Variants in ARNT observed in about 807,000 individuals in gnomAD.
ARNT encodes aryl hydrocarbon receptor nuclear translocator.
ARNT carries 30 observed loss-of-function variants against 105.0 expected under a neutral mutation model. That is an observed-to-expected ratio of 0.29 (90% CI 0.21 to 0.39). The LOEUF (loss-of-function observed/expected upper bound fraction) is 0.39. Ranked by LOEUF, ARNT falls within the 10% of genes least tolerant of loss-of-function variation. The pLI is 1.00. For missense variants in ARNT, 748 were observed against 978.7 expected (o/e 0.76, Z 3.15); for synonymous variants, 304 against 344.0 (o/e 0.88, Z 1.29).
At chr1:150,819,600 T>C (rs1656646505) in intron 14 of ARNT, among the ~76,000 whole-genome samples, 1 of 152,206 alleles carries the variant, frequency 6.6e-6, no homozygotes, top group Non-Finnish European at 1.5e-5. Context: ...GAAGTACTGA[T>C]ACATGCTACA....
At chr1:150,873,177 T>C (rs1400011444) in intron 1 of ARNT, among the ~76,000 whole-genome samples, 1 of 151,330 alleles carries the variant, frequency 6.6e-6, no homozygotes, top group Non-Finnish European at 1.5e-5. Flanking sequence ...TAGTCCCAGC[T>C]ACTCGGGAGG....
chr1:150,862,233 C>T (rs1220682723), intron 1 of ARNT, among the ~76,000 whole-genome samples: 2 of 152,112 alleles, frequency 1.3e-5, no homozygotes, highest in Non-Finnish European at 2.9e-5. Context: ...CATTGTGTAT[C>T]TTCATGCACA....
chr1:150,828,246 A>C (rs1014593028), intron 12 of ARNT, among the ~76,000 whole-genome samples: 1 of 151,402 alleles, frequency 6.6e-6, no homozygotes, highest in Admixed American at 6.6e-5. Flanking sequence ...CTAGGAGTTT[A>C]TTTGTAACTT....
In ARNT at chr1:150,858,473, TA is replaced by T; in HGVS notation, c.26-14del. ...TCTGATGTCATTTCTGTCAGGAAAATAATGAAGTAAACATTTTTAAAAAGAC... is the reference window on the plus strand; with the variant it reads ...TCTGATGTCATTTCTGTCAGGAAAATATGAAGTAAACATTTTTAAAAAGAC... On this transcript the variant is annotated splice_polypyrimidine_tract_variant and intron_variant, in intron 1 of 21. Coordinates refer to ENST00000358595, the MANE Select transcript of ARNT (RefSeq NM_001668.4). 1 of 1,564,242 alleles carries T rather than the reference TA, an allele frequency of 6.4e-7. No individual in the cohort carries two copies. Among genetic ancestry groups the T allele is most frequent in the Admixed American group, 1.8e-5 (1 of 56,858 alleles).
intron 14 of ARNT, among the ~76,000 whole-genome samples, chr1:150,819,214 A>C (rs1448898339): frequency 7.3e-6 from 1 of 136,218 alleles, no homozygotes; most frequent in Non-Finnish European, 1.6e-5. Context: ...GATACCTACT[A>C]GATGGCTACA....
chr1:150,836,935 AC>A (rs1660440514), intron 6 of ARNT, among the ~76,000 whole-genome samples: 1 of 152,132 alleles, frequency 6.6e-6, no homozygotes, highest in Non-Finnish European at 1.5e-5. Flanking sequence ...GTGTGGTGGC[AC>A]ACGCCTGTAG....
In ARNT at chr1:150,813,173, T is replaced by G; in HGVS notation, c.2279A>C (p.Gln760Pro). Reference protein sequence around the residue: ...AQQPGQPEVFQEMLSMLGDQS... With the variant: ...AQQPGQPEVFPEMLSMLGDQS... ...TTGAAAGTCTTTTCACTCTCTTACC[T>G]GGAAGACCTCAGGCTGGCCAGGTTG... is the stretch of plus-strand genomic sequence containing the variant. Residue 760 changes from glutamine to proline, a missense_variant and splice_region_variant, in exon 21 of 22, where the codon CAG becomes CCG. Gln to Pro is a moderately conservative substitution (Grantham distance 76, BLOSUM62 -1). Around this residue, in one of 4 missense-constraint regions of ARNT, gnomAD observed 360 missense variants for 411.9 expected, o/e 0.87. Coordinates refer to ENST00000358595, the MANE Select transcript of ARNT (RefSeq NM_001668.4). The G allele has an allele frequency of 6.2e-7, 1 of 1,612,538 alleles. No homozygotes were observed. Among genetic ancestry groups the G allele is most frequent in the Non-Finnish European group, 8.5e-7 (1 of 1,179,304 alleles).
intron 7 of ARNT, 65 bp downstream of exon 7, chr1:150,836,214 CT>C: frequency 1.3e-6 from 2 of 1,516,252 alleles, no homozygotes; most frequent in Non-Finnish European, 1.8e-6. Context: ...GCTAAAACAT[CT>C]CTTAAGTCTC....
chr1:150,873,528 C>A (rs1296071202), intron 1 of ARNT, among the ~76,000 whole-genome samples: 1 of 152,110 alleles, frequency 6.6e-6, no homozygotes, highest in Non-Finnish European at 1.5e-5. Flanking sequence ...TCTTCTAATG[C>A]AGCACCACAG....
At chr1:150,865,144 G>A (rs587771773) in intron 1 of ARNT, among the ~76,000 whole-genome samples, 49 of 152,144 alleles carry the variant, frequency 3.2e-4, no homozygotes, top group African/African-American at 1.1e-3. Context: ...ATGGCACAAC[G>A]AAAAGGTAGT....
chr1:150,817,681 C>CTAAT (rs1363842198), intron 15 of ARNT, among the ~76,000 whole-genome samples: 1 of 151,866 alleles, frequency 6.6e-6, no homozygotes, highest in Non-Finnish European at 1.5e-5. Flanking sequence ...TGGTGGCAGG[C>CTAAT]ACCTGTAATC....
chr1:150,850,191 T>A (rs1191354074), intron 3 of ARNT, among the ~76,000 whole-genome samples: 1 of 152,034 alleles, frequency 6.6e-6, no homozygotes. Context: ...ATCGAGACCA[T>A]CCTGCCCAAC....
intron 20 of ARNT, among the ~76,000 whole-genome samples, chr1:150,813,641 T>TA (rs1655208283): frequency 6.6e-6 from 1 of 152,056 alleles, no homozygotes; most frequent in Non-Finnish European, 1.5e-5. Flanking sequence ...GTAGTTTTTT[T>TA]TTTTTATTTT....
intron 14 of ARNT, among the ~76,000 whole-genome samples, chr1:150,818,617 G>A (rs1656425900): frequency 1.3e-5 from 2 of 152,028 alleles, no homozygotes; most frequent in Non-Finnish European, 2.9e-5. Flanking sequence ...CAGGCGTGGT[G>A]GCGGGCTCCT....
At chr1:150,826,986 A>G (rs1302199464) in intron 12 of ARNT, among the ~76,000 whole-genome samples, 1 of 152,022 alleles carries the variant, frequency 6.6e-6, no homozygotes, top group Non-Finnish European at 1.5e-5. Context: ...GGCCTGGTCC[A>G]TCAGCTGGGG....
intron 6 of ARNT, among the ~76,000 whole-genome samples, chr1:150,838,102 A>C (rs1190825977): frequency 6.6e-6 from 1 of 152,214 alleles, no homozygotes; most frequent in Non-Finnish European, 1.5e-5. Flanking sequence ...CCCACTGCAT[A>C]AAAATTAAAA....
rs587670365 is a variant in ARNT at position 150,816,807 on chromosome 1, G to C, written c.1783C>G (p.Arg595Gly). ...GCTCACCTGAAATTCTCTGCCGGCCGGGGGGTAGGAGGGAATGTGTTGCCC... is the reference window on the plus strand; with the variant it reads ...GCTCACCTGAAATTCTCTGCCGGCCCGGGGGTAGGAGGGAATGTGTTGCCC... ...SQGNTFPPTPRPAENFRNSGL... is the reference protein window; with the variant it reads ...SQGNTFPPTPGPAENFRNSGL... Residue 595 changes from arginine to glycine, a missense_variant, in exon 18 of 22, where the codon CGG (arginine) becomes GGG (glycine). Arg to Gly is a moderately radical substitution (Grantham distance 125). Around this residue, in one of 4 missense-constraint regions of ARNT, gnomAD observed 360 missense variants for 411.9 expected, o/e 0.87. Coordinates refer to ENST00000358595, the MANE Select transcript of ARNT (RefSeq NM_001668.4). 5.7e-6 allele frequency: 9 copies of C among 1,580,814 alleles called. No individual in the cohort carries two copies. Among genetic ancestry groups the C allele is most frequent in the Middle Eastern group, 1.7e-4 (1 of 5,926 alleles).
chr1:150,820,319 G>A (rs587668650), intron 14 of ARNT, among the ~76,000 whole-genome samples: 1 of 152,306 alleles, frequency 6.6e-6, no homozygotes, highest in Non-Finnish European at 1.5e-5. Flanking sequence ...ACATAGAATT[G>A]AAACTAAACC....
chr1:150,835,818 AG>A (rs1557891411), intron 7 of ARNT, among the ~76,000 whole-genome samples: 9 of 66,338 alleles, frequency 1.4e-4, no homozygotes, highest in Non-Finnish European at 2.8e-4. Flanking sequence ...ACAACAGTAC[AG>A]ATACAAACAA....
Sources: gnomAD v4.1 joint callset for allele counts (sites outside exome capture counted in the v4.1 genomes callset) on GRCh38, gnomAD v4.1.1 for gene constraint, gnomAD v4.1.1 regional missense constraint, MANE v1.5 for transcripts, NCBI Gene and HGNC (gene_info 2026-07-23, HGNC 2026-07-21) for gene names.